The following DMBT1 variants were observed in gnomAD, a reference collection of about 807,000 sequenced individuals.
The protein encoded by DMBT1 is deleted in malignant brain tumors 1, also known as scavenger receptor cysteine-rich domain-containing protein DMBT1.
DMBT1 carries 198 observed loss-of-function variants against 252.9 expected under a neutral mutation model. That is an observed-to-expected ratio of 0.78 (90% CI 0.70 to 0.88). The LOEUF is 0.88. Ranked by LOEUF, DMBT1 falls within the 40% of genes least tolerant of loss-of-function variation. The pLI is 0.00. For missense variants in DMBT1, 2,432 were observed against 2,404.7 expected (o/e 1.01, Z -0.24); for synonymous variants, 990 against 942.7 (o/e 1.05, Z -0.92).
intron 40 of DMBT1, 30 bp from the exon 41 acceptor site, chr10:122,617,987 T>C: frequency 6.2e-7 from 1 of 1,610,818 alleles, no homozygotes; most frequent in Non-Finnish European, 8.5e-7. Context: ...CTGGTGGGGA[T>C]GGATGAAGGG....
At chr10:122,637,634 G>A (rs545817687) in intron 54 of DMBT1, among the ~76,000 whole-genome samples, 1 of 152,342 alleles carries the variant, frequency 6.6e-6, no homozygotes, top group South Asian at 2.1e-4. Context: ...AGCTTATACA[G>A]TTAGGGTTGG....
At position 122,633,248 on chromosome 10, in the gene DMBT1, T is replaced by C. The variant is rs1421413407; in HGVS notation, c.6455T>C (p.Phe2152Ser). The C allele has an allele frequency of 1.2e-6, 2 of 1,614,006 alleles. No homozygotes were observed. The highest frequency in any genetic ancestry group is 1.7e-5 in the Admixed American group (1 of 60,020). Residue 2152 changes from phenylalanine to serine, a missense_variant, in exon 52 of 56, where the codon TTC (phenylalanine) becomes TCC (serine). Physicochemically the swap from Phe to Ser is radical, Grantham distance 155. This residue lies in a region of DMBT1 where 1,162 missense variants were observed against 1,169.0 expected (regional missense o/e 0.99). Transcript: ENST00000338354. ...CCATCAGGGGACTTTTCCAGCCCAT[T>C]CTATCCCGGGAACTATCCAAACAAT... Reference protein sequence around the residue: ...SQPSGDFSSPFYPGNYPNNAK... With the variant: ...SQPSGDFSSPSYPGNYPNNAK...
At position 122,571,936 on chromosome 10, in the gene DMBT1, C is replaced by A. The variant is rs548921015; in HGVS notation, c.188-378C>A. On this transcript the variant is annotated intron_variant, in intron 4 of 55. Coordinates refer to ENST00000338354, the MANE Select transcript of DMBT1 (RefSeq NM_001377530.1). ...CATCTTTCTTGTTGTACCACCTTCTCAGGAATATTTCAGTGATGGTGAATA... is the reference window on the plus strand; with the variant it reads ...CATCTTTCTTGTTGTACCACCTTCTAAGGAATATTTCAGTGATGGTGAATA... Among the ~76,000 whole-genome samples the A allele has an allele frequency of 7.9e-5, 12 of 152,326 alleles. No homozygotes were observed. In the East Asian group the frequency reaches 2.3e-3, roughly 29 times the overall value.
At chr10:122,563,731 G>A (rs1020971107) in intron 1 of DMBT1, among the ~76,000 whole-genome samples, 1 of 152,210 alleles carries the variant, frequency 6.6e-6, no homozygotes, top group African/African-American at 2.4e-5. Context: ...AGTATGTGCA[G>A]AAGGGTCTAT....
At position 122,579,613 on chromosome 10, in the gene DMBT1, G is replaced by A. The variant is rs181582266; in HGVS notation, c.715G>A (p.Gly239Arg). The change falls in exon 10 of 56, where the codon GGA becomes AGA. Residue 239 changes from glycine to arginine, a missense_variant. This residue lies in a region of DMBT1 where 1,264 missense variants were observed against 1,082.2 expected (regional missense o/e 1.17). Transcript: ENST00000338354. ...CAGTTTGGCCCTGAGGCTGGTGAATGGAGGCGACAGGTGTCGAGGCCGAGT... is the reference window on the plus strand; with the variant it reads ...CAGTTTGGCCCTGAGGCTGGTGAATAGAGGCGACAGGTGTCGAGGCCGAGT... ...ESSLALRLVN[G>R]GDRCRGRVEV... The A allele has an allele frequency of 3.7e-6, 6 of 1,613,548 alleles. No homozygotes were observed. The Admixed American group carries it at 6.7e-5, about 18-fold the overall frequency.
chr10:122,579,430 G>C (rs1969619), intron 9 of DMBT1, 148 bp from the exon 10 acceptor site: 17 of 1,510,464 alleles, frequency 1.1e-5, no homozygotes, highest in Non-Finnish European at 1.5e-5. Flanking sequence ...TACTTTCACG[G>C]TGATGAAGCC....
chr10:122,623,843 G>C (rs1209258652), intron 44 of DMBT1, among the ~76,000 whole-genome samples: 3 of 152,184 alleles, frequency 2.0e-5, no homozygotes, highest in Admixed American at 2.0e-4. Flanking sequence ...GTTGTGTCTA[G>C]CATGTGACAT....
chr10:122,598,753 G>A (rs1344121302), intron 25 of DMBT1, 21 bp from the exon 26 acceptor site: 2 of 1,612,612 alleles, frequency 1.2e-6, no homozygotes, highest in Non-Finnish European at 1.7e-6. Flanking sequence ...ATGGATGAAG[G>A]ATTCTTGTGT....
intron 1 of DMBT1, among the ~76,000 whole-genome samples, chr10:122,563,842 C>T (rs1368787798): frequency 1.3e-5 from 2 of 152,138 alleles, no homozygotes; most frequent in Non-Finnish European, 2.9e-5. Context: ...GTTCGACTGC[C>T]ATGGGATTAG....
intron 7 of DMBT1, among the ~76,000 whole-genome samples, chr10:122,577,384 G>T (rs559300654): frequency 7.2e-5 from 11 of 152,210 alleles, no homozygotes; most frequent in Non-Finnish European, 1.3e-4. Flanking sequence ...AGTCGCAAAT[G>T]GTGGGCTCAC....
chr10:122,619,009 G>T (rs1049392660), intron 41 of DMBT1, among the ~76,000 whole-genome samples: 3 of 152,226 alleles, frequency 2.0e-5, no homozygotes, highest in Admixed American at 1.3e-4. Flanking sequence ...GGCCTCCTCA[G>T]CCTTGCTGAC....
In DMBT1 at chr10:122,586,279, A is replaced by T. The variant is rs753202416; in HGVS notation, c.1679A>T (p.Asp560Val). 2 of 1,588,674 alleles carry T rather than the reference A, an allele frequency of 1.3e-6. No homozygotes were observed. The highest frequency in any genetic ancestry group is 1.7e-6 in the Non-Finnish European group (2 of 1,165,842). The change falls in exon 16 of 56, where the codon GAC (aspartate) becomes GTC (valine). Residue 560 changes from aspartate (D) to valine (V), a missense_variant. Transcript: ENST00000338354. ...GQGSGPIVLD[D>V]VRCSGNESYL... ...GGCTCAGGACCCATTGTCCTGGATG[A>T]CGTGCGCTGCTCAGGGAATGAGTCC...
In DMBT1 at chr10:122,640,972, G is replaced by T. The variant is rs141813069; in HGVS notation, c.7352+523G>T. On this transcript the variant is annotated intron_variant, in intron 55 of 55. Transcript: ENST00000338354. Reference sequence around the variant, plus strand: ...ATAATGACACGCACATTGTAAGGCTGTTGGGAGGATGGGATGAGAGAGAGT... The same window carrying T: ...ATAATGACACGCACATTGTAAGGCTTTTGGGAGGATGGGATGAGAGAGAGT... Among the ~76,000 whole-genome samples the T allele has an allele frequency of 1.3e-3, 203 of 152,310 alleles. 1 individual carries two copies. The highest frequency in any genetic ancestry group is 5.9e-3 in the Admixed American group (91 of 15,304).
rs1418827163 is a variant in DMBT1, at chr10:122,571,244, A to G, written c.187+307A>G. ...CATAGACAATGAAGGTCAAGCGGTTATCTTCCTGTCCTTCTGAAGCTGGAC... is the reference window on the plus strand; with the variant it reads ...CATAGACAATGAAGGTCAAGCGGTTGTCTTCCTGTCCTTCTGAAGCTGGAC... On this transcript the variant is annotated intron_variant, in intron 4 of 55. Transcript: ENST00000338354. Among the ~76,000 whole-genome samples the G allele has an allele frequency of 2.0e-5, 3 of 152,186 alleles. No individual in the cohort carries two copies. In the South Asian group the frequency reaches 6.2e-4, roughly 32 times the overall value.
In DMBT1 at chr10:122,580,134, G is replaced by A. The variant is rs182575614; in HGVS notation, c.1003+233G>A. ...GAGTTTTTCCCCTTCCTGAGGCAAG[G>A]CAAGGAAGAGGCAGAAGAGAAAAGT... On this transcript the variant is annotated intron_variant, in intron 10 of 55. Transcript: ENST00000338354. Among the ~76,000 whole-genome samples, 91 of 152,262 alleles carry A rather than the reference G, an allele frequency of 6.0e-4. No homozygotes were observed. The Middle Eastern group carries it at 0.017, about 28-fold the overall frequency.
chr10:122,600,020 C>G lies in DMBT1; in HGVS notation c.3281-44C>G, dbSNP rs1388609050. On this transcript the variant is annotated intron_variant, in intron 26 of 55. Coordinates refer to ENST00000338354, the MANE Select transcript of DMBT1 (RefSeq NM_001377530.1). Reference sequence around the variant, plus strand: ...CCTCCTCGTTCCACTTTGCCGACTTCTGTGTAATGTTCCTGATCTGACCTT... The same window carrying G: ...CCTCCTCGTTCCACTTTGCCGACTTGTGTGTAATGTTCCTGATCTGACCTT... 1.4e-5 allele frequency: 23 copies of G among 1,606,342 alleles called. 2 individuals carry two copies. Among genetic ancestry groups the G allele is most frequent in the Non-Finnish European group, 2.0e-5 (23 of 1,176,810 alleles).
In DMBT1 at chr10:122,643,224, G is replaced by A. The variant is rs376147897; in HGVS notation, c.7455G>A (p.Val2485=). 2.5e-6 allele frequency: 4 copies of A among 1,613,976 alleles called. No homozygotes were observed. The South Asian group carries it at 4.4e-5, about 18-fold the overall frequency. The part of the protein sequence containing the change: ...AFHFLNRFPS[V]YLRCKMVVCR... ...ACTTCCTGAACCGCTTCCCCTCCGT[G>A]TACCTGCGTTGTAAAATGGTGGTGT... The change falls in exon 56 of 56, where the codon GTG becomes GTA. Residue 2485 remains valine, a synonymous_variant. Transcript: ENST00000338354.
rs1405341585 is a variant in DMBT1 at position 122,592,260 on chromosome 10, G to A, written c.2177-12G>A. The A allele has an allele frequency of 2.5e-6, 4 of 1,585,792 alleles. No homozygotes were observed. Among genetic ancestry groups the A allele is most frequent in the African/African-American group, 1.3e-5 (1 of 74,490 alleles). ...GTAGGGATGGATAAAGGGTTCTTGT[G>A]TTCCCCTGTAGGATCTGAATCCAGT... On this transcript the variant is annotated splice_polypyrimidine_tract_variant and intron_variant, in intron 19 of 55. Transcript: ENST00000338354.
intron 2 of DMBT1, among the ~76,000 whole-genome samples, chr10:122,566,318 C>A (rs59369880): frequency 1.3e-5 from 1 of 77,538 alleles, no homozygotes; most frequent in South Asian, 5.3e-4. Flanking sequence ...TTTTCTTTTT[C>A]TTTTTTCTTT....
Sources: allele counts gnomAD v4.1 joint callset (sites outside exome capture counted in the v4.1 genomes callset), GRCh38; gene constraint gnomAD v4.1.1; regional missense constraint gnomAD v4.1.1; transcripts MANE v1.5; gene names NCBI Gene and HGNC (gene_info 2026-07-23, HGNC 2026-07-21).